The following ZC3H12C variants were observed in gnomAD, a reference collection of about 807,000 sequenced individuals.
ZC3H12C encodes zinc finger CCCH-type containing 12C.
ZC3H12C carries 20 observed loss-of-function variants against 76.3 expected under a neutral mutation model. The ratio of observed to expected loss-of-function variants is 0.26; its 90% confidence interval spans 0.18 to 0.38. The LOEUF is 0.38. Among genes scored for constraint, ZC3H12C ranks in the 10% least tolerant of loss-of-function variants. The pLI is 1.00. For missense variants in ZC3H12C, 874 were observed against 1,086.5 expected (o/e 0.80, Z 2.75); for synonymous variants, 352 against 399.6 (o/e 0.88, Z 1.42).
chr11:110,162,636 T>A (rs1276225229), intron 4 of ZC3H12C, among the ~76,000 whole-genome samples: 1 of 152,262 alleles, frequency 6.6e-6, no homozygotes, highest in East Asian at 1.9e-4. Context: ...GAGAAGCGCA[T>A]TCAAATAGGG....
chr11:110,150,478 A>AT (rs1029719944), intron 2 of ZC3H12C, among the ~76,000 whole-genome samples: 52 of 152,272 alleles, frequency 3.4e-4, no homozygotes, highest in African/African-American at 1.2e-3. Context: ...AGCAACACTA[A>AT]TTTTTTAACA....
chr11:110,108,377 C>A (rs1861369896), intron 1 of ZC3H12C, among the ~76,000 whole-genome samples: 1 of 152,180 alleles, frequency 6.6e-6, no homozygotes. Context: ...TTTACAAACA[C>A]CAAAAATGAC....
intron 3 of ZC3H12C, among the ~76,000 whole-genome samples, chr11:110,156,330 T>C (rs1316668243): frequency 6.6e-6 from 1 of 152,226 alleles, no homozygotes; most frequent in Non-Finnish European, 1.5e-5. Context: ...ATTAGCACTT[T>C]TGCCAATCTT....
chr11:110,113,905 C>G (rs1042138318), intron 1 of ZC3H12C, among the ~76,000 whole-genome samples: 1 of 152,114 alleles, frequency 6.6e-6, no homozygotes, highest in African/African-American at 2.4e-5. Context: ...CTTGCCTCCC[C>G]AAAACTAATA....
Position 110,136,866 on chromosome 11 carries a change from G to A in ZC3H12C, c.225G>A (p.Lys75=). Residue 75 remains lysine, a synonymous_variant, in exon 2 of 6, where the codon AAG becomes AAA. Coordinates refer to ENST00000278590, the MANE Select transcript of ZC3H12C (RefSeq NM_033390.2). Reference sequence around the variant, plus strand: ...GTATGGATACCGTTAATGTGGGGAAGGATGAAAAAGAGGCGTCTGAAGAGA... The same window carrying A: ...GTATGGATACCGTTAATGTGGGGAAAGATGAAAAAGAGGCGTCTGAAGAGA... ...NPSMDTVNVG[K]DEKEASEENA... is the part of the protein sequence containing the mutation. The A allele has an allele frequency of 3.1e-6, 5 of 1,613,818 alleles. No homozygotes were observed. Among genetic ancestry groups the A allele is most frequent in the Non-Finnish European group, 4.2e-6 (5 of 1,179,832 alleles).
intron 1 of ZC3H12C, among the ~76,000 whole-genome samples, chr11:110,098,678 T>TA (rs1292210299): frequency 6.6e-6 from 1 of 152,258 alleles, no homozygotes; most frequent in Non-Finnish European, 1.5e-5. Context: ...CTTATTGTGT[T>TA]ACAGTTGCCT....
intron 4 of ZC3H12C, 94 bp downstream of exon 4, chr11:110,159,584 C>G: frequency 9.4e-7 from 1 of 1,060,852 alleles, no homozygotes; most frequent in East Asian, 2.6e-5. Flanking sequence ...TGCCACTGTC[C>G]AGACTTCACA....
intron 1 of ZC3H12C, among the ~76,000 whole-genome samples, chr11:110,099,990 A>G (rs1320891771): frequency 2.1e-5 from 3 of 145,736 alleles, no homozygotes; most frequent in African/African-American, 5.2e-5. Flanking sequence ...TCATCTGTCA[A>G]TAGAGAAAAT....
chr11:110,125,270 A>AGTGT (rs59512764), intron 1 of ZC3H12C, among the ~76,000 whole-genome samples: 1,816 of 138,670 alleles, frequency 0.013, 21 homozygotes, highest in African/African-American at 0.02. Flanking sequence ...ATCTCTCACT[A>AGTGT]GTGTGTGTGT....
chr11:110,107,874 G>C (rs1373888185), intron 1 of ZC3H12C, among the ~76,000 whole-genome samples: 1 of 151,814 alleles, frequency 6.6e-6, no homozygotes, highest in African/African-American at 2.4e-5. Flanking sequence ...TGTTGCCCAG[G>C]CTGGTCTTGA....
At chr11:110,143,370 T>TA (rs1424907135) in intron 2 of ZC3H12C, among the ~76,000 whole-genome samples, 2 of 152,122 alleles carry the variant, frequency 1.3e-5, no homozygotes, top group African/African-American at 2.4e-5. Flanking sequence ...TCATTTTTTT[T>TA]AGAGTCCTTT....
At position 110,164,324 on chromosome 11, in the gene ZC3H12C, A is replaced by G; in HGVS notation, c.1256-17A>G. Reference sequence around the variant, plus strand: ...TGATGGTATGCTCCTTTGCCTAATTAATTTTACTCTTCTTAGGAAAGAAGT... The same window carrying G: ...TGATGGTATGCTCCTTTGCCTAATTGATTTTACTCTTCTTAGGAAAGAAGT... On this transcript the variant is annotated splice_polypyrimidine_tract_variant and intron_variant, in intron 5 of 5. Transcript: ENST00000278590. The surrounding 1 kb of genome is among the most constrained non-coding windows in gnomAD (Gnocchi z 5.7). The G allele has an allele frequency of 6.4e-7, 1 of 1,570,732 alleles. No homozygotes were observed. Among genetic ancestry groups the G allele is most frequent in the Non-Finnish European group, 8.6e-7 (1 of 1,159,814 alleles).
At chr11:110,106,405 G>T (rs960810750) in intron 1 of ZC3H12C, among the ~76,000 whole-genome samples, 1 of 152,190 alleles carries the variant, frequency 6.6e-6, no homozygotes, top group Non-Finnish European at 1.5e-5. Flanking sequence ...TGATAGATAA[G>T]AATGGGCATA....
intron 1 of ZC3H12C, among the ~76,000 whole-genome samples, chr11:110,118,910 T>C (rs1861607547): frequency 6.6e-6 from 1 of 152,234 alleles, no homozygotes; most frequent in South Asian, 2.1e-4. Context: ...CTGTCATTGA[T>C]TGAACAATTT....
Position 110,136,743 on chromosome 11 carries a change from G to C in ZC3H12C, c.102G>C (p.Leu34Phe). 6.2e-7 allele frequency: 1 copy of C among 1,613,962 alleles called. No homozygotes were observed. The highest frequency in any genetic ancestry group is 8.5e-7 in the Non-Finnish European group (1 of 1,179,888). ...ESSTRNNFMG[L>F]KDHLGHDLGH... is the part of the protein sequence containing the mutation. ...GTACACGTAACAACTTCATGGGCTT[G>C]AAGGATCACCTAGGGCATGACCTCG... is the stretch of plus-strand genomic sequence containing the variant. The change falls in exon 2 of 6, where the codon TTG (leucine) becomes TTC (phenylalanine). Residue 34 changes from leucine to phenylalanine, a missense_variant. By Grantham distance (22) the Leu-to-Phe change is conservative. Around this residue, in one of 3 missense-constraint regions of ZC3H12C, gnomAD observed 210 missense variants for 227.1 expected, o/e 0.92. Coordinates refer to ENST00000278590, the MANE Select transcript of ZC3H12C (RefSeq NM_033390.2).
At chr11:110,118,045 C>CACAT (rs1861587156) in intron 1 of ZC3H12C, among the ~76,000 whole-genome samples, 1 of 121,862 alleles carries the variant, frequency 8.2e-6, no homozygotes, top group Admixed American at 9.2e-5. Flanking sequence ...TATATATACA[C>CACAT]ATATATATTA....
chr11:110,131,138 A>G, intron 1 of ZC3H12C: 4 of 1,471,160 alleles, frequency 2.7e-6, no homozygotes, highest in Non-Finnish European at 3.7e-6. Flanking sequence ...ATGCCTTGGA[A>G]GTTAAACTTT....
rs1386614885 is a variant in ZC3H12C, at chr11:110,164,082, G to C, written c.1256-259G>C. Among the ~76,000 whole-genome samples the C allele has an allele frequency of 1.4e-5, 2 of 140,926 alleles. No homozygotes were observed. The highest frequency in any genetic ancestry group is 3.1e-5 in the Non-Finnish European group (2 of 65,326). The allele number at this position is 140,926 out of a possible 152,430, so 92.5% of individuals were successfully genotyped here. On this transcript the variant is annotated intron_variant, in intron 5 of 5. Transcript: ENST00000278590. The surrounding 1 kb of genome is among the most constrained non-coding windows in gnomAD (Gnocchi z 5.7). ...ACCACTGCCCTCCACCTGGGTGACA[G>C]AGCAAGACCCTGTCTCAAAAAAAAA... is the stretch of plus-strand genomic sequence containing the variant.
chr11:110,093,531 A>C (rs7116683), intron 1 of ZC3H12C, 99 bp downstream of exon 1: 2 of 937,840 alleles, frequency 2.1e-6, no homozygotes, highest in East Asian at 4.4e-5. Context: ...CCCGGGCGCC[A>C]GGCGGAGGGC....
Sources: allele counts gnomAD v4.1 joint callset (sites outside exome capture counted in the v4.1 genomes callset), GRCh38; gene constraint gnomAD v4.1.1; regional missense constraint gnomAD v4.1.1; non-coding constraint Gnocchi (gnomAD v3.1); transcripts MANE v1.5; gene names NCBI Gene and HGNC (gene_info 2026-07-23, HGNC 2026-07-21).